Variants in TONSL observed in about 807,000 individuals in gnomAD.
TONSL encodes the protein tonsoku like, DNA repair protein, also known as tonsoku-like protein.
In TONSL, 112 loss-of-function variants were observed where a neutral mutation model predicts 147.1. That is an observed-to-expected ratio of 0.76 (90% CI 0.65 to 0.89). The LOEUF is 0.89. Ranked by LOEUF, TONSL falls within the 40% of genes least tolerant of loss-of-function variation. The probability of loss-of-function intolerance (pLI) is 0.00; values close to 1 mark genes in which losing one functional copy is unlikely to be tolerated. For missense variants in TONSL, 1,883 were observed against 1,864.6 expected, an observed-to-expected ratio of 1.01 and a Z score of -0.18; for synonymous variants, 868 against 801.5, an observed-to-expected ratio of 1.08 and a Z score of -1.40.
At position 144,429,315 on chromosome 8, in the gene TONSL, AG is replaced by A; in HGVS notation, c.3964del (p.Leu1322TrpfsTer9). On this transcript the variant is annotated frameshift_variant, in exon 26 of 26. Coordinates refer to ENST00000409379, the MANE Select transcript of TONSL (RefSeq NM_013432.5). LOFTEE classifies it low-confidence loss of function (END_TRUNC). Reference sequence around the variant, plus strand: ...TATCTTGTCCCACAGGCCCAGGCCCAGGGGACCCTGGACGGCGCAGCCTGCG... The same window carrying A: ...TATCTTGTCCCACAGGCCCAGGCCCAGGGACCCTGGACGGCGCAGCCTGCG... ...GLSGCAVQGPLGLGLWDKIAA... is the reference protein window; with the variant it reads ...GLSGCAVQGPXGLGLWDKIAA... 2 of 1,479,440 alleles carry A rather than the reference AG, an allele frequency of 1.4e-6. No homozygotes were observed. The allele number at this position is 1,479,440 out of a possible 1,614,324, so 91.6% of individuals were successfully genotyped here. A position where few individuals can be genotyped will look rare whatever the true frequency, so the allele number is the denominator to read the frequency against.
At position 144,436,172 on chromosome 8, in the gene TONSL, C is replaced by T. The variant is rs753231160; in HGVS notation, c.2261G>A (p.Arg754Gln). The T allele has an allele frequency of 5.1e-6, 8 of 1,574,632 alleles. No homozygotes were observed. The highest frequency in any genetic ancestry group is 2.3e-5 in the East Asian group (1 of 43,852). ...GCACCGAGGCCTCTTCTGGGACGGC[C>T]GTGCGGGGCCTGCGCTGTCCTCGCC... ...SEGEDSAGPA[R>Q]PSQKRPRCSA... Residue 754 changes from arginine (R) to glutamine (Q), a missense_variant, in exon 17 of 26, where the codon CGG becomes CAG. By Grantham distance (43) the Arg-to-Gln change is conservative (BLOSUM62 1). Coordinates refer to ENST00000409379, the MANE Select transcript of TONSL (RefSeq NM_013432.5).
rs144087630 is a variant in TONSL at position 144,434,175 on chromosome 8, G to A, written c.3190C>T (p.Arg1064Trp). Residue 1064 changes from arginine to tryptophan, a missense_variant, in exon 21 of 26, where the codon CGG becomes TGG. Physicochemically the swap from Arg to Trp is moderately radical, Grantham distance 101 (BLOSUM62 -3). Transcript: ENST00000409379. ...AGTGCTGTGTGCAGCTTGAGGGCCC[G>A]CAGCAGGGGTGTAAGCTGGGCCTGG... The part of the protein sequence containing the change: ...LDQAQLTPLL[R>W]ALKLHTALRE... The A allele has an allele frequency of 8.1e-6, 13 of 1,605,728 alleles. No homozygotes were observed. Among genetic ancestry groups the A allele is most frequent in the African/African-American group, 4.0e-5 (3 of 74,934 alleles).
rs773853641 is a variant in TONSL at position 144,441,058 on chromosome 8, G to C, written c.919C>G (p.Pro307Ala). 1.2e-6 allele frequency: 2 copies of C among 1,612,940 alleles called. No homozygotes were observed. Among genetic ancestry groups the C allele is most frequent in the African/African-American group, 1.3e-5 (1 of 75,046 alleles). ...TCACAGATGACCATGGCACCCTGAG[G>C]GTCTCTGCCCTCAGCCTCTTCCAGC... ...QQLEEAEGRD[P>A]QGAMVICEQL... The change falls in exon 8 of 26, where the codon CCT becomes GCT. Residue 307 changes from proline (P) to alanine (A), a missense_variant. Physicochemically the swap from Pro to Ala is conservative, Grantham distance 27. Transcript: ENST00000409379.
intron 23 of TONSL, among the ~76,000 whole-genome samples, chr8:144,431,624 C>G (rs1299194726): frequency 1.3e-5 from 2 of 151,736 alleles, no homozygotes; most frequent in Non-Finnish European, 1.5e-5. Flanking sequence ...ACGCTGTTCT[C>G]CTGCCTGTCT....
intron 10 of TONSL, 61 bp downstream of exon 10, chr8:144,440,290 G>T: frequency 6.4e-7 from 1 of 1,560,156 alleles, no homozygotes. Flanking sequence ...CAAGGGGCAG[G>T]CAGGCTGCAA....
At chr8:144,429,976 C>T (rs1214895764) in intron 25 of TONSL, among the ~76,000 whole-genome samples, 1 of 152,194 alleles carries the variant, frequency 6.6e-6, no homozygotes, top group African/African-American at 2.4e-5. Flanking sequence ...CCTGATGTGG[C>T]TCAAGAGAGA....
chr8:144,436,094 C>T lies in TONSL; in HGVS notation c.2339G>A (p.Arg780Lys). The change falls in exon 17 of 26, where the codon AGG becomes AAG. Residue 780 changes from arginine (R) to lysine (K), a missense_variant. Arg to Lys is a conservative substitution (Grantham distance 26, BLOSUM62 2). Coordinates refer to ENST00000409379, the MANE Select transcript of TONSL (RefSeq NM_013432.5). ...AAWTPGPASN[R>K]EAATASTSRA... ...GCTGGTGCTGGCTGTGGCTGCTTCC[C>T]TGTTGCTGGCGGGGCCAGGCGTCCA... 1 of 1,566,630 alleles carries T rather than the reference C, an allele frequency of 6.4e-7. No homozygotes were observed. The highest frequency in any genetic ancestry group is 8.6e-7 in the Non-Finnish European group (1 of 1,163,522).
chr8:144,436,504 G>T, intron 16 of TONSL, 54 bp downstream of exon 16: 1 of 1,583,792 alleles, frequency 6.3e-7, no homozygotes. Context: ...ATCAGGGCCC[G>T]GGGACTCTCA....
At chr8:144,431,607 C>T (rs1823196394) in intron 23 of TONSL, among the ~76,000 whole-genome samples, 1 of 151,976 alleles carries the variant, frequency 6.6e-6, no homozygotes, top group Non-Finnish European at 1.5e-5. Flanking sequence ...CTCCGCCTCC[C>T]GGGTTCACGC....
chr8:144,439,986 G>T lies in TONSL; in HGVS notation c.1480+35C>A, dbSNP rs748886969. ...CCCCTCTCCAGCCCGGCCCAGAGCA[G>T]GCCCAGGGAAATGCAAGGTGCCGCT... On this transcript the variant is annotated intron_variant, in intron 11 of 25. Transcript: ENST00000409379. 3.5e-5 allele frequency: 31 copies of T among 877,860 alleles called. No homozygotes were observed. In the Admixed American group the frequency reaches 5.2e-4, roughly 15 times the overall value. 54.4% of individuals were successfully genotyped at this position (877,860 alleles called of 1,614,324 possible).
chr8:144,437,210 A>G (rs1228961262), intron 13 of TONSL, 111 bp from the exon 14 acceptor site: 10 of 1,096,284 alleles, frequency 9.1e-6, no homozygotes, highest in South Asian at 8.1e-5. Context: ...TAGAGCCCAG[A>G]GCAAGTCCGT....
chr8:144,434,966 G>C lies in TONSL; in HGVS notation c.3006+51C>G, dbSNP rs373493057. 41 of 1,609,824 alleles carry C rather than the reference G, an allele frequency of 2.5e-5. No individual in the cohort carries two copies. In the African/African-American group the frequency reaches 4.8e-4, roughly 19 times the overall value. ...ATTGCTCTGCAGCCATGAGCCACCC[G>C]GGGGCTCCCGGTGCCTGAGGCCCTG... On this transcript the variant is annotated intron_variant, in intron 19 of 25. Coordinates refer to ENST00000409379, the MANE Select transcript of TONSL (RefSeq NM_013432.5).
chr8:144,437,242 G>A (rs556200762), intron 13 of TONSL, 143 bp from the exon 14 acceptor site: 240 of 756,590 alleles, frequency 3.2e-4, no homozygotes, highest in South Asian at 6.8e-4. Flanking sequence ...CTCCTCCTCC[G>A]GCCTAGGTGT....
chr8:144,436,955 G>GC, intron 14 of TONSL, 35 bp from the exon 15 acceptor site: 2 of 1,611,392 alleles, frequency 1.2e-6, no homozygotes, highest in Non-Finnish European at 1.7e-6. Flanking sequence ...AGCTCCCGAT[G>GC]CCCCGCCAGG....
Position 144,440,097 on chromosome 8 carries a change from C to G in TONSL, c.1404G>C (p.Glu468Asp), listed in dbSNP as rs778541195. The G allele has an allele frequency of 5.6e-6, 9 of 1,610,440 alleles. No homozygotes were observed. The highest frequency in any genetic ancestry group is 1.7e-5 in the Admixed American group (1 of 59,724). ...ELSVAEDEDE[E>D]EEAEEAAATA... ...TGGCTGCCGCCTCCTCCGCCTCCTCCTCCTCATCTTCATCTTCAGCTACAC... is the reference window on the plus strand; with the variant it reads ...TGGCTGCCGCCTCCTCCGCCTCCTCGTCCTCATCTTCATCTTCAGCTACAC... Residue 468 changes from glutamate (E) to aspartate (D), a missense_variant, in exon 11 of 26, where the codon GAG (glutamate) becomes GAC (aspartate). Coordinates refer to ENST00000409379, the MANE Select transcript of TONSL (RefSeq NM_013432.5).
At position 144,435,967 on chromosome 8, in the gene TONSL, T is replaced by C; in HGVS notation, c.2466A>G (p.Ala822=). Residue 822 remains alanine, a synonymous_variant, in exon 17 of 26, where the codon GCA becomes GCG. Transcript: ENST00000409379. The stretch of plus-strand genomic sequence containing the variant: ...GGCACTCCTCCTCCGGGATGAGCGC[T>C]GCCTGGGGGGCAAGGGCTTTGCTGT... ...RGHSKALAPQ[A]ALIPEEECLA... is the part of the protein sequence containing the mutation. 6.4e-7 allele frequency: 1 copy of C among 1,557,454 alleles called. No homozygotes were observed. Among genetic ancestry groups the C allele is most frequent in the Non-Finnish European group, 8.7e-7 (1 of 1,151,724 alleles).
In TONSL at chr8:144,443,246, C is replaced by T. The variant is rs1444456255; in HGVS notation, c.340G>A (p.Gly114Ser). 2.6e-6 allele frequency: 4 copies of T among 1,550,792 alleles called. No homozygotes were observed. The highest frequency in any genetic ancestry group is 3.9e-5 in the Admixed American group (2 of 51,012). Residue 114 changes from glycine (G) to serine (S), a missense_variant, in exon 4 of 26, where the codon GGC becomes AGC. Transcript: ENST00000409379. ...TELQRAWATI[G>S]RTHLDIYDHC... is the part of the protein sequence containing the mutation. Reference sequence around the variant, plus strand: ...TCATAGATGTCCAGGTGGGTGCGGCCGATGGTGGCCCAGGCCCTCTGCAGC... The same window carrying T: ...TCATAGATGTCCAGGTGGGTGCGGCTGATGGTGGCCCAGGCCCTCTGCAGC...
intron 23 of TONSL, among the ~76,000 whole-genome samples, chr8:144,431,706 T>G (rs1473750444): frequency 4.6e-5 from 7 of 151,676 alleles, no homozygotes; most frequent in South Asian, 4.2e-4. Flanking sequence ...GTAGAGATGG[T>G]GTTTCACCAT....
Position 144,442,708 on chromosome 8 carries a change from C to T in TONSL, c.547G>A (p.Asp183Asn), listed in dbSNP as rs748017086. Residue 183 changes from aspartate (D) to asparagine (N), a missense_variant, in exon 5 of 26, where the codon GAT (aspartate) becomes AAT (asparagine). Coordinates refer to ENST00000409379, the MANE Select transcript of TONSL (RefSeq NM_013432.5). ...AGGAAGATGCTCTTCCTGAAGTAAT[C>T]GTTGCACAGGGCTGTCTGCTGCAGG... is the stretch of plus-strand genomic sequence containing the variant. ...ESLQQTALCN[D>N]YFRKSIFLAE... The T allele has an allele frequency of 1.7e-5, 27 of 1,612,824 alleles. No homozygotes were observed. Among genetic ancestry groups the T allele is most frequent in the East Asian group, 2.2e-5 (1 of 44,902 alleles).
Sources: gnomAD v4.1 joint callset for allele counts (sites outside exome capture counted in the v4.1 genomes callset) on GRCh38, gnomAD v4.1.1 for gene constraint, MANE v1.5 for transcripts, NCBI Gene and HGNC (gene_info 2026-07-23, HGNC 2026-07-21) for gene names.